BCAS3: variants seen among roughly 807,000 people sequenced by gnomAD.
The protein encoded by BCAS3 is BCAS4/BCAS3 fusion.
Under a neutral mutation model 116.1 loss-of-function variants are expected in BCAS3, and 53 were observed. The ratio of observed to expected loss-of-function variants is 0.46; its 90% CI spans 0.37 to 0.57. BCAS3 has a LOEUF of 0.57. Among genes scored for constraint, BCAS3 ranks in the 20% least tolerant of loss-of-function variants. The pLI is 0.00. For synonymous variants in BCAS3, 391 were observed against 408.2 expected (o/e 0.96, Z 0.51); for missense variants, 917 against 1,165.4 (o/e 0.79, Z 3.10).
At chr17:60,731,859 A>G (rs1350782876) in intron 5 of BCAS3, among the ~76,000 whole-genome samples, 1 of 150,666 alleles carries the variant, frequency 6.6e-6, no homozygotes, top group Non-Finnish European at 1.5e-5. Flanking sequence ...GCTCACTGCA[A>G]CCACCGCCTT....
chr17:60,704,724 G>T (rs968610740), intron 4 of BCAS3, among the ~76,000 whole-genome samples: 1 of 151,890 alleles, frequency 6.6e-6, no homozygotes, highest in Non-Finnish European at 1.5e-5. Context: ...TATAATCCCA[G>T]CTACTCAGGA....
In BCAS3 at chr17:61,344,934, T is replaced by TAC. The variant is rs375725996; in HGVS notation, c.2426-23380_2426-23379dup. On this transcript the variant is annotated intron_variant, in intron 22 of 23. Transcript: ENST00000407086. This position sits in a 1 kb window ranked among gnomAD's most constrained non-coding sequence, Gnocchi z 4.1. The stretch of plus-strand genomic sequence containing the variant: ...TCGGAAATACACACACACACACACA[T>TAC]ACACACACACACACGCACACCCCTC... 4.5e-3 allele frequency among the ~76,000 whole-genome samples: 650 copies of TAC among 143,018 alleles called. 7 individuals are homozygous for TAC. Among genetic ancestry groups the TAC allele is most frequent in the Non-Finnish European group, 1.8e-3 (116 of 62,764 alleles). 93.8% of individuals were successfully genotyped at this position (143,018 alleles called of 152,430 possible). A position where few individuals can be genotyped will look rare whatever the true frequency, so the allele number is the denominator to read the frequency against.
In BCAS3 at chr17:61,225,209, C is replaced by T. The variant is rs543926964; in HGVS notation, c.2425+140645C>T. Among the ~76,000 whole-genome samples, 15 of 144,818 alleles carry T rather than the reference C, an allele frequency of 1.0e-4. No individual in the cohort carries two copies. The South Asian group carries it at 3.3e-3, about 32-fold the overall frequency. ...AAGACTCATCTCTCCTTTATTCTTT[C>T]CTGACCATGCCTGCCTTTGTATTCC... is the stretch of plus-strand genomic sequence containing the variant. On this transcript the variant is annotated intron_variant, in intron 22 of 23. Transcript: ENST00000407086.
chr17:61,090,937 G>C (rs542388162), intron 22 of BCAS3, among the ~76,000 whole-genome samples: 1 of 152,320 alleles, frequency 6.6e-6, no homozygotes, highest in Admixed American at 6.5e-5. Context: ...TTACAGGCGT[G>C]AGCCACCGTG....
chr17:60,985,739 T>TATTG (rs751717727), intron 14 of BCAS3, among the ~76,000 whole-genome samples: 3 of 152,086 alleles, frequency 2.0e-5, no homozygotes, highest in Non-Finnish European at 2.9e-5. Flanking sequence ...TATTTTGTTT[T>TATTG]ATTGATTGAT....
chr17:60,847,757 A>G (rs976821316), intron 7 of BCAS3, among the ~76,000 whole-genome samples: 8 of 152,112 alleles, frequency 5.3e-5, no homozygotes, highest in African/African-American at 7.2e-5. Context: ...TATTTGATAT[A>G]TTATTTACAA....
chr17:60,749,090 A>G (rs1376353805), intron 6 of BCAS3: 1 of 152,178 alleles, frequency 6.6e-6, no homozygotes, highest in Non-Finnish European at 1.5e-5. Context: ...AAATGATCAC[A>G]TAAAACTTGT....
intron 7 of BCAS3, among the ~76,000 whole-genome samples, chr17:60,841,500 C>T (rs1467598795): frequency 2.0e-5 from 3 of 150,728 alleles, no homozygotes; most frequent in African/African-American, 7.4e-5. Context: ...CTGCCTCAGC[C>T]TCCCGAGTAG....
At chr17:61,193,757 CAAAAAAAAAAAAAAAAAA>C (rs59810014) in intron 22 of BCAS3, among the ~76,000 whole-genome samples, 2 of 52,314 alleles carry the variant, frequency 3.8e-5, no homozygotes, top group Non-Finnish European at 6.5e-5. Flanking sequence ...AACTCCATCT[CAAAAAAAAAAAAAAAAAA>C]AAAAAAAAAA....
rs758909725 is a variant in BCAS3, at chr17:61,388,701, G to A, written c.2594-3276G>A. 12 of 1,549,976 alleles carry A rather than the reference G, an allele frequency of 7.7e-6. No individual in the cohort carries two copies. The highest frequency in any genetic ancestry group is 1.2e-5 in the South Asian group (1 of 84,666). ...CAGTAACAAAGCATGCGTTCGGGAT[G>A]GAGGAAGGTAAGGCCACACGTTTCC... On this transcript the variant is annotated intron_variant, in intron 23 of 23. Transcript: ENST00000407086. The surrounding 1 kb of genome is among the most constrained non-coding windows in gnomAD (Gnocchi z 6.5).
chr17:60,992,323 T>C (rs956511376), intron 15 of BCAS3, among the ~76,000 whole-genome samples: 10 of 152,110 alleles, frequency 6.6e-5, no homozygotes, highest in Non-Finnish European at 1.3e-4. Flanking sequence ...CTCTTTTTAC[T>C]CCTGAGATCA....
chr17:61,174,798 C>T (rs1006022154), intron 22 of BCAS3, among the ~76,000 whole-genome samples: 7 of 152,132 alleles, frequency 4.6e-5, no homozygotes, highest in Non-Finnish European at 8.8e-5. Flanking sequence ...AATGCTCAAA[C>T]GGGGAGAAAA....
At chr17:61,176,553 T>G (rs1407468147) in intron 22 of BCAS3, among the ~76,000 whole-genome samples, 2 of 149,714 alleles carry the variant, frequency 1.3e-5, no homozygotes, top group East Asian at 1.9e-4. Context: ...ATTTATTTAT[T>G]TATTTATTTA....
intron 22 of BCAS3, among the ~76,000 whole-genome samples, chr17:61,330,491 C>G (rs1171706856): frequency 6.6e-6 from 1 of 152,234 alleles, no homozygotes; most frequent in African/African-American, 2.4e-5. Context: ...GGCCTTCATT[C>G]CCTGGGCAGC....
At chr17:60,863,770 A>T (rs566058688) in intron 7 of BCAS3, among the ~76,000 whole-genome samples, 1 of 152,176 alleles carries the variant, frequency 6.6e-6, no homozygotes. Flanking sequence ...GTATGTTTAC[A>T]CTATACTATA....
At chr17:60,892,884 C>T (rs540722279) in intron 10 of BCAS3, among the ~76,000 whole-genome samples, 132 of 151,596 alleles carry the variant, frequency 8.7e-4, no homozygotes, top group South Asian at 2.5e-3. Flanking sequence ...ATCATGCCAT[C>T]GCACTCTAGC....
intron 15 of BCAS3, among the ~76,000 whole-genome samples, chr17:60,999,746 A>G (rs2064110414): frequency 6.6e-6 from 1 of 152,066 alleles, no homozygotes; most frequent in Non-Finnish European, 1.5e-5. Flanking sequence ...TTGGGTGATA[A>G]TGGACATTTT....
At chr17:60,935,303 G>C (rs942252168) in intron 13 of BCAS3, among the ~76,000 whole-genome samples, 1 of 151,846 alleles carries the variant, frequency 6.6e-6, no homozygotes, top group Non-Finnish European at 1.5e-5. Context: ...AGTTTTAAGA[G>C]TACAACAATG....
intron 11 of BCAS3, among the ~76,000 whole-genome samples, chr17:60,908,787 A>T (rs1024092910): frequency 6.6e-6 from 1 of 152,124 alleles, no homozygotes; most frequent in Non-Finnish European, 1.5e-5. Flanking sequence ...ATATCTTTTT[A>T]TTTGAATTCA....
Sources: allele counts gnomAD v4.1 joint callset (sites outside exome capture counted in the v4.1 genomes callset), GRCh38; gene constraint gnomAD v4.1.1; non-coding constraint Gnocchi (gnomAD v3.1); transcripts MANE v1.5; gene names NCBI Gene and HGNC (gene_info 2026-07-23, HGNC 2026-07-21).